The following PCNX2 variants were observed in gnomAD, a reference collection of about 807,000 sequenced individuals.
The protein encoded by PCNX2 is pecanex-like protein 2.
Under a neutral mutation model 223.8 loss-of-function variants are expected in PCNX2, and 168 were observed. The observed-to-expected ratio is 0.75, with a 90% CI of 0.66 to 0.85. The LOEUF is 0.85. PCNX2 is among the 40% of genes least tolerant of loss of function. PCNX2 has a pLI of 0.00. For missense variants in PCNX2, 2,507 were observed against 2,675.5 expected, an observed-to-expected ratio of 0.94 and a Z score of 1.39; for synonymous variants, 1,006 against 1,052.6, an observed-to-expected ratio of 0.96 and a Z score of 0.86.
chr1:233,241,706 A>C (rs1042493926), intron 8 of PCNX2, among the ~76,000 whole-genome samples: 1 of 152,216 alleles, frequency 6.6e-6, no homozygotes, highest in Non-Finnish European at 1.5e-5. Flanking sequence ...TGCATCTCTC[A>C]AATATTTGTA....
chr1:233,106,669 C>T (rs1401058271), intron 21 of PCNX2, among the ~76,000 whole-genome samples: 1 of 152,070 alleles, frequency 6.6e-6, no homozygotes, highest in African/African-American at 2.4e-5. Context: ...TTGTGTGTAG[C>T]GAATCCTGCC....
At chr1:233,125,631 C>G (rs747334807) in intron 21 of PCNX2, among the ~76,000 whole-genome samples, 8 of 152,154 alleles carry the variant, frequency 5.3e-5, no homozygotes, top group Non-Finnish European at 1.2e-4. Flanking sequence ...GCCATTGTAC[C>G]TGGTTCAAGA....
chr1:233,030,744 T>C (rs989472190), intron 25 of PCNX2, among the ~76,000 whole-genome samples: 2 of 152,238 alleles, frequency 1.3e-5, no homozygotes, highest in African/African-American at 2.4e-5. Flanking sequence ...CACTGGCTAT[T>C]TGGAGCTTCT....
At chr1:233,134,913 T>C in intron 21 of PCNX2, 100 bp downstream of exon 21, 1 of 1,047,454 alleles carries the variant, frequency 9.5e-7, no homozygotes. Context: ...TATCCTCCCA[T>C]AATTTTTTTT....
chr1:233,127,531 C>A (rs1676174208), intron 21 of PCNX2, among the ~76,000 whole-genome samples: 1 of 152,060 alleles, frequency 6.6e-6, no homozygotes, highest in Non-Finnish European at 1.5e-5. Context: ...CCTTATCATC[C>A]TTTCTTGTAA....
chr1:233,310,546 T>C, the PCNX2 span, among the ~76,000 whole-genome samples: 13 of 152,060 alleles, frequency 8.5e-5, no homozygotes, highest in African/African-American at 3.1e-4. Context: ...GGAACAGTAG[T>C]AGGAGAGATG....
intron 1 of PCNX2, among the ~76,000 whole-genome samples, chr1:233,282,629 T>C (rs750718775): frequency 6.6e-6 from 1 of 152,146 alleles, no homozygotes; most frequent in Admixed American, 6.5e-5. Context: ...TTAAATCCTA[T>C]CAAAATCTAT....
At chr1:233,054,179 G>T in intron 25 of PCNX2, 89 bp downstream of exon 25, 2 of 1,246,412 alleles carry the variant, frequency 1.6e-6, no homozygotes, top group Non-Finnish European at 2.3e-6. Flanking sequence ...AGTTTTTCCT[G>T]TTTAACAGTG....
intron 5 of PCNX2, among the ~76,000 whole-genome samples, chr1:233,255,273 A>C (rs532554779): frequency 1.3e-5 from 2 of 152,310 alleles, no homozygotes; most frequent in Admixed American, 1.3e-4. Flanking sequence ...CCACCCAAAG[A>C]AAACCAAACC....
chr1:233,011,776 C>T (rs1336500847), intron 28 of PCNX2, among the ~76,000 whole-genome samples: 7 of 152,156 alleles, frequency 4.6e-5, no homozygotes, highest in African/African-American at 1.7e-4. Flanking sequence ...CTCCTGTGCT[C>T]GAGACCCTTC....
chr1:233,292,018 T>C (rs1188217674), intron 1 of PCNX2: 3 of 976,628 alleles, frequency 3.1e-6, no homozygotes, highest in Admixed American at 6.2e-5. Flanking sequence ...CTCACAAATA[T>C]ATACATAGTT....
At chr1:233,209,549 GTGATA>G (rs1681707703) in intron 12 of PCNX2, among the ~76,000 whole-genome samples, 1 of 152,206 alleles carries the variant, frequency 6.6e-6, no homozygotes, top group African/African-American at 2.4e-5. Context: ...AAGGATTAAA[GTGATA>G]TGGTTTCAGA....
rs1472938935 is a variant in PCNX2 at position 233,072,627 on chromosome 1, T to C, written c.4077-15337A>G. 2.6e-5 allele frequency among the ~76,000 whole-genome samples: 4 copies of C among 152,354 alleles called. No individual in the cohort carries two copies. In the East Asian group the frequency reaches 5.8e-4, roughly 22 times the overall value. On this transcript the variant is annotated intron_variant, in intron 23 of 33. Coordinates refer to ENST00000258229, the MANE Select transcript of PCNX2 (RefSeq NM_014801.4). ...CAACGTAGTGTTGTATTTTGCAAAA[T>C]GATTTTTCTGGATCAATTGAAATGG...
intron 32 of PCNX2, among the ~76,000 whole-genome samples, chr1:232,995,020 G>A (rs1669830268): frequency 1.3e-5 from 2 of 152,206 alleles, no homozygotes; most frequent in African/African-American, 2.4e-5. Flanking sequence ...GATGAGGAGG[G>A]TGAAACTGCC....
chr1:233,015,031 C>T (rs1670601886), intron 27 of PCNX2, among the ~76,000 whole-genome samples: 1 of 152,152 alleles, frequency 6.6e-6, no homozygotes, highest in African/African-American at 2.4e-5. Flanking sequence ...TGATGATCTG[C>T]TTTTCTGGGA....
intron 1 of PCNX2, among the ~76,000 whole-genome samples, chr1:233,278,520 T>C (rs977601127): frequency 1.3e-5 from 2 of 152,174 alleles, no homozygotes; most frequent in Non-Finnish European, 2.9e-5. Flanking sequence ...CCTAATCTCA[T>C]GGGTCAGAGG....
At chr1:233,090,020 A>G (rs1401677420) in intron 23 of PCNX2, 41 bp downstream of exon 23, 1 of 1,611,870 alleles carries the variant, frequency 6.2e-7, no homozygotes, top group Non-Finnish European at 8.5e-7. Context: ...CTGAAGTGCA[A>G]ACTGGAGAAA....
At chr1:233,011,944 A>G (rs2102813153) in intron 28 of PCNX2, among the ~76,000 whole-genome samples, 1 of 152,308 alleles carries the variant, frequency 6.6e-6, no homozygotes, top group East Asian at 1.9e-4. Flanking sequence ...CTCATGTAGA[A>G]GCCAGTCAGA....
chr1:233,297,218 C>T (rs1662173794), upstream of PCNX2, among the ~76,000 whole-genome samples: 1 of 152,174 alleles, frequency 6.6e-6, no homozygotes, highest in Admixed American at 6.5e-5. Context: ...ACAGTCTGTT[C>T]CCACATGGAG....
Sources: gnomAD v4.1 joint callset for allele counts (sites outside exome capture counted in the v4.1 genomes callset) on GRCh38, gnomAD v4.1.1 for gene constraint, MANE v1.5 for transcripts, NCBI Gene and HGNC (gene_info 2026-07-23, HGNC 2026-07-21) for gene names.